The following CERT1 variants were observed in gnomAD, a reference collection of about 807,000 sequenced individuals.
The protein encoded by CERT1 is ceramide transporter 1, also known as ceramide transfer protein.
CERT1 carries 31 observed loss-of-function variants against 87.9 expected under a neutral mutation model. The observed-to-expected ratio is 0.35, with a 90% CI of 0.27 to 0.48. The LOEUF (loss-of-function observed/expected upper bound fraction) is 0.48. Ranked by LOEUF, CERT1 falls within the 20% of genes least tolerant of loss-of-function variation. The pLI is 0.99. For synonymous variants in CERT1, 289 were observed against 250.9 expected, an observed-to-expected ratio of 1.15 and a Z score of -1.44; for missense variants, 487 against 758.0, an observed-to-expected ratio of 0.64 and a Z score of 4.20.
rs118056776 is a variant in CERT1, at chr5:75,477,050, T to C, written c.232-17869A>G. 3.3e-3 allele frequency among the ~76,000 whole-genome samples: 506 copies of C among 152,328 alleles called. 2 individuals are homozygous for C. Among genetic ancestry groups the C allele is most frequent in the East Asian group, 0.031 (163 of 5,186 alleles). On this transcript the variant is annotated intron_variant, in intron 2 of 16. Transcript: ENST00000643780. Reference sequence around the variant, plus strand: ...AAAGGTGTTATCTGAAGATACATGATAACCTTTGCAGATATGATAATCATA... The same window carrying C: ...AAAGGTGTTATCTGAAGATACATGACAACCTTTGCAGATATGATAATCATA...
intron 3 of CERT1, among the ~76,000 whole-genome samples, chr5:75,431,459 G>A (rs1404633795): frequency 1.3e-5 from 2 of 152,184 alleles, no homozygotes; most frequent in African/African-American, 4.8e-5. Context: ...GAAACACTTT[G>A]GATGAACAAT....
At chr5:75,450,493 T>G (rs2112278546) in intron 3 of CERT1, among the ~76,000 whole-genome samples, 1 of 152,304 alleles carries the variant, frequency 6.6e-6, no homozygotes, top group South Asian at 2.1e-4. Context: ...CAAAACTGTC[T>G]CATAGGGGAA....
At chr5:75,394,764 T>G (rs1230472426) in intron 11 of CERT1, among the ~76,000 whole-genome samples, 1 of 152,034 alleles carries the variant, frequency 6.6e-6, no homozygotes, top group Non-Finnish European at 1.5e-5. Context: ...AATAAACACT[T>G]GAAAATGTTC....
chr5:75,417,901 A>T (rs1297269507), intron 6 of CERT1, among the ~76,000 whole-genome samples: 3 of 152,254 alleles, frequency 2.0e-5, no homozygotes, highest in Non-Finnish European at 4.4e-5. Flanking sequence ...TCACGCCTGT[A>T]ATCCCAGCAC....
chr5:75,503,019 C>G (rs968587079), intron 2 of CERT1, among the ~76,000 whole-genome samples: 1 of 151,998 alleles, frequency 6.6e-6, no homozygotes, highest in Non-Finnish European at 1.5e-5. Context: ...ACTGTCAATC[C>G]TTTCACATTA....
At chr5:75,502,654 C>T (rs1008593274) in intron 2 of CERT1, among the ~76,000 whole-genome samples, 5 of 151,902 alleles carry the variant, frequency 3.3e-5, no homozygotes, top group African/African-American at 1.2e-4. Flanking sequence ...AAAGGATGAC[C>T]AGAAATTTAA....
chr5:75,500,726 A>G (rs886245408), intron 2 of CERT1, among the ~76,000 whole-genome samples: 7 of 152,190 alleles, frequency 4.6e-5, no homozygotes, highest in Admixed American at 1.3e-4. Flanking sequence ...GAAAAACTGC[A>G]CACTTGAGAA....
At chr5:75,440,726 A>G (rs554330746) in intron 3 of CERT1, among the ~76,000 whole-genome samples, 1 of 152,232 alleles carries the variant, frequency 6.6e-6, no homozygotes, top group South Asian at 2.1e-4. Flanking sequence ...TGTTACAAGT[A>G]TACTAGAGAG....
chr5:75,511,141 G>T lies in CERT1; in HGVS notation c.67C>A (p.Pro23Thr). 1 of 1,606,026 alleles carries T rather than the reference G, an allele frequency of 6.2e-7. No homozygotes were observed. Among genetic ancestry groups the T allele is most frequent in the Non-Finnish European group, 8.5e-7 (1 of 1,176,194 alleles). ...EEDPETESGPPVERCGVLSKW... is the reference protein window; with the variant it reads ...EEDPETESGPTVERCGVLSKW... ...CTGAGGACCCCGCAGCGCTCCACAG[G>T]CGGCCCAGACTCCGTCTCTGGATCC... is the stretch of plus-strand genomic sequence containing the variant. Residue 23 changes from proline to threonine, a missense_variant, in exon 1 of 17, where the codon CCT (proline) becomes ACT (threonine). Transcript: ENST00000643780.
At chr5:75,388,814 G>A (rs575026971) in intron 12 of CERT1, among the ~76,000 whole-genome samples, 9 of 151,566 alleles carry the variant, frequency 5.9e-5, no homozygotes, top group East Asian at 5.8e-4. Flanking sequence ...TGGTAGAGAC[G>A]GGGTTTCACC....
chr5:75,400,125 C>T (rs1330833974), intron 10 of CERT1, 80 bp downstream of exon 10: 16 of 1,039,294 alleles, frequency 1.5e-5, no homozygotes, highest in African/African-American at 8.0e-5. Flanking sequence ...AGTGAGACTC[C>T]GTCTCAAATA....
chr5:75,478,172 G>T (rs759127327), intron 2 of CERT1, among the ~76,000 whole-genome samples: 11 of 152,036 alleles, frequency 7.2e-5, no homozygotes, highest in Non-Finnish European at 1.5e-4. Flanking sequence ...AATTAGCCAG[G>T]TGTGGTGGCG....
intron 12 of CERT1, 53 bp downstream of exon 12, chr5:75,389,539 A>C: frequency 7.5e-7 from 1 of 1,329,766 alleles, no homozygotes; most frequent in Non-Finnish European, 1.1e-6. Flanking sequence ...TAATGATAAT[A>C]TGACTGAAAC....
At chr5:75,463,174 A>C (rs1765313307) in intron 2 of CERT1, among the ~76,000 whole-genome samples, 1 of 152,102 alleles carries the variant, frequency 6.6e-6, no homozygotes, top group Non-Finnish European at 1.5e-5. Context: ...AAAAACAGAC[A>C]CAGAAAGATT....
At chr5:75,405,941 T>C (rs17671845) in intron 8 of CERT1, among the ~76,000 whole-genome samples, 4,266 of 151,800 alleles carry the variant, frequency 0.028, 121 homozygotes, top group South Asian at 0.1. Flanking sequence ...GTATCTAATT[T>C]GTCAGTGCCT....
At chr5:75,370,996 T>TTTTC (rs1761064783) in intron 17 of CERT1, 1 of 152,154 alleles carries the variant, frequency 6.6e-6, no homozygotes, top group Non-Finnish European at 1.5e-5. Context: ...AACTCAGTAG[T>TTTTC]TTTCTTGATC....
At chr5:75,498,462 G>A (rs1353093236) in intron 2 of CERT1, among the ~76,000 whole-genome samples, 1 of 152,194 alleles carries the variant, frequency 6.6e-6, no homozygotes, top group Non-Finnish European at 1.5e-5. Flanking sequence ...GCTTTGTGCA[G>A]TCTTGGGACC....
chr5:75,427,548 G>A (rs915336852), intron 3 of CERT1, among the ~76,000 whole-genome samples: 5 of 152,296 alleles, frequency 3.3e-5, no homozygotes, highest in African/African-American at 9.6e-5. Context: ...GCAGTGAGCC[G>A]AGATTACGCC....
chr5:75,418,127 G>A lies in CERT1; in HGVS notation c.680-1094C>T, dbSNP rs574472808. Among the ~76,000 whole-genome samples the A allele has an allele frequency of 9.2e-4, 140 of 152,310 alleles. No homozygotes were observed. In the Middle Eastern group the frequency reaches 0.01, roughly 11 times the overall value. ...GCTGAGATCACCACACTGCACTCCA[G>A]CCTGGGTAACAAGAGGGAAACTCTG... On this transcript the variant is annotated intron_variant, in intron 6 of 16. Transcript: ENST00000643780.
Sources: gnomAD v4.1 joint callset for allele counts (sites outside exome capture counted in the v4.1 genomes callset) on GRCh38, gnomAD v4.1.1 for gene constraint, MANE v1.5 for transcripts, NCBI Gene and HGNC (gene_info 2026-07-23, HGNC 2026-07-21) for gene names.